Variants in PCDHGA6 observed in about 807,000 individuals in gnomAD.
PCDHGA6 encodes the protein protocadherin gamma subfamily A, 6.
Under a neutral mutation model 60.6 loss-of-function variants are expected in PCDHGA6, and 41 were observed. The ratio of observed to expected loss-of-function variants is 0.68; its 90% CI spans 0.53 to 0.88. The LOEUF is 0.88. Among genes scored for constraint, PCDHGA6 ranks in the 40% least tolerant of loss-of-function variants. The pLI is 0.00. For missense variants in PCDHGA6, 1,312 were observed against 1,203.0 expected, an observed-to-expected ratio of 1.09 and a Z score of -1.34; for synonymous variants, 594 against 524.4, an observed-to-expected ratio of 1.13 and a Z score of -1.81.
intron 1 of PCDHGA6, chr5:141,427,369 C>T (rs1333238163): frequency 4.4e-6 from 2 of 457,834 alleles, no homozygotes; most frequent in Non-Finnish European, 8.8e-6. Flanking sequence ...GAACCCTGGA[C>T]GGTGATCACT....
At position 141,508,878 on chromosome 5, in the gene PCDHGA6, C is replaced by A. The variant is rs189735747; in HGVS notation, c.2573-2069C>A. The stretch of plus-strand genomic sequence containing the variant: ...GGCTGGGAAAGGCTGAAGAGGCTGA[C>A]GGCTGGAGGGGAGGGGGCGGGGCGG... On this transcript the variant is annotated intron_variant, in intron 3 of 3. Transcript: ENST00000517434. Among the ~76,000 whole-genome samples, 561 of 152,074 alleles carry A rather than the reference C, an allele frequency of 3.7e-3. 3 individuals carry two copies. The highest frequency in any genetic ancestry group is 0.012 in the African/African-American group (508 of 41,498).
At chr5:141,478,143 A>G (rs759384540) in intron 1 of PCDHGA6, 72 of 1,614,014 alleles carry the variant, frequency 4.5e-5, no homozygotes, top group Middle Eastern at 3.3e-4. Context: ...GCCCGAGCCG[A>G]GTTCCCCTCT....
Position 141,487,568 on chromosome 5 carries a change from C to G in PCDHGA6, c.2425-7239C>G, listed in dbSNP as rs752378906. The G allele has an allele frequency of 1.9e-6, 3 of 1,614,180 alleles. No homozygotes were observed. Among genetic ancestry groups the G allele is most frequent in the Non-Finnish European group, 2.5e-6 (3 of 1,180,042 alleles). ...ACCCAGTGCACCTATGGCAGGGGAG[C>G]CTGTTCGCCCAAGCTGCCCACCCTC... On this transcript the variant is annotated intron_variant, in intron 1 of 3. Transcript: ENST00000517434. This position sits in a 1 kb window ranked among gnomAD's most constrained non-coding sequence, Gnocchi z 5.0.
Position 141,432,538 on chromosome 5 carries a change from G to T in PCDHGA6, c.2424+56031G>T, listed in dbSNP as rs200601557. 1 of 1,613,908 alleles carries T rather than the reference G, an allele frequency of 6.2e-7. No individual in the cohort carries two copies. Among genetic ancestry groups the T allele is most frequent in the African/African-American group, 1.3e-5 (1 of 74,936 alleles). Reference sequence around the variant, plus strand: ...GCTACCTGGTGACCAAGGTGGTGGCGGTGGACAGAGACTCCGGCCAGAACG... The same window carrying T: ...GCTACCTGGTGACCAAGGTGGTGGCTGTGGACAGAGACTCCGGCCAGAACG... On this transcript the variant is annotated intron_variant, in intron 1 of 3. Coordinates refer to ENST00000517434, the MANE Select transcript of PCDHGA6 (RefSeq NM_018919.3). This position sits in a 1 kb window ranked among gnomAD's most constrained non-coding sequence, Gnocchi z 6.0.
chr5:141,476,754 T>G lies in PCDHGA6; in HGVS notation c.2425-18053T>G. 1 of 1,613,926 alleles carries G rather than the reference T, an allele frequency of 6.2e-7. No individual in the cohort carries two copies. The highest frequency in any genetic ancestry group is 1.1e-5 in the South Asian group (1 of 91,084). On this transcript the variant is annotated intron_variant, in intron 1 of 3. Coordinates refer to ENST00000517434, the MANE Select transcript of PCDHGA6 (RefSeq NM_018919.3). The surrounding 1 kb of genome is among the most constrained non-coding windows in gnomAD (Gnocchi z 7.6). Reference sequence around the variant, plus strand: ...GAACGGGAGCCTAGTCTCCAGTTAGTGCTGACGGCGTTGGACGGAGGGACC... The same window carrying G: ...GAACGGGAGCCTAGTCTCCAGTTAGGGCTGACGGCGTTGGACGGAGGGACC...
chr5:141,399,332 C>T (rs2093787388), intron 1 of PCDHGA6: 1 of 1,613,994 alleles, frequency 6.2e-7, no homozygotes, highest in Non-Finnish European at 8.5e-7. Flanking sequence ...AAGTTGGTAA[C>T]AGATGGAACC....
At position 141,380,476 on chromosome 5, in the gene PCDHGA6, TC is replaced by T. The variant is rs534346627; in HGVS notation, c.2424+3972del. Among the ~76,000 whole-genome samples the T allele has an allele frequency of 1.1e-4, 16 of 152,316 alleles. No homozygotes were observed. The South Asian group carries it at 3.1e-3, about 30-fold the overall frequency. ...CAACCAAACAAATGGTCAGGATTCT[TC>T]CCAATATCTCAGTCAACAATAATAT... is the stretch of plus-strand genomic sequence containing the variant. On this transcript the variant is annotated intron_variant, in intron 1 of 3. Transcript: ENST00000517434.
At chr5:141,383,059 C>A (rs1778767353) in intron 1 of PCDHGA6, 1 of 1,613,894 alleles carries the variant, frequency 6.2e-7, no homozygotes, top group Non-Finnish European at 8.5e-7. Flanking sequence ...GGACCTGGGG[C>A]TGGAGCCCCG....
At chr5:141,418,435 A>G (rs1237542659) in intron 1 of PCDHGA6, 1 of 1,614,038 alleles carries the variant, frequency 6.2e-7, no homozygotes, top group South Asian at 1.1e-5. Context: ...GCAAATATCC[A>G]GAATTAGTAT....
chr5:141,437,693 C>G (rs1305650032), intron 1 of PCDHGA6, among the ~76,000 whole-genome samples: 1 of 151,638 alleles, frequency 6.6e-6, no homozygotes, highest in African/African-American at 2.4e-5. Context: ...GAGGCTAAAT[C>G]TCAAGAAAGA....
At chr5:141,410,370 C>T (rs780808768) in intron 1 of PCDHGA6, 2 of 1,614,060 alleles carry the variant, frequency 1.2e-6, no homozygotes, top group South Asian at 2.2e-5. Flanking sequence ...AGCCCTGCTA[C>T]TTGGGACTGC....
Position 141,486,446 on chromosome 5 carries a change from G to T in PCDHGA6, c.2425-8361G>T. ...GGCCAAATCTAGCTATGACATCATGGTCACTGCTTCTGATGCTGGGAACCC... is the reference window on the plus strand; with the variant it reads ...GGCCAAATCTAGCTATGACATCATGTTCACTGCTTCTGATGCTGGGAACCC... On this transcript the variant is annotated intron_variant, in intron 1 of 3. Coordinates refer to ENST00000517434, the MANE Select transcript of PCDHGA6 (RefSeq NM_018919.3). The surrounding 1 kb of genome is among the most constrained non-coding windows in gnomAD (Gnocchi z 5.0). 2 of 1,614,126 alleles carry T rather than the reference G, an allele frequency of 1.2e-6. No individual in the cohort carries two copies. Among genetic ancestry groups the T allele is most frequent in the Non-Finnish European group, 1.7e-6 (2 of 1,180,004 alleles).
chr5:141,460,981 G>GTA (rs1491204135), intron 1 of PCDHGA6, among the ~76,000 whole-genome samples: 1,658 of 121,856 alleles, frequency 0.014, 27 homozygotes, highest in African/African-American at 0.051. Flanking sequence ...GTGTGTGTGT[G>GTA]TGTATATATA....
At chr5:141,433,195 T>C (rs765385329) in intron 1 of PCDHGA6, 8 of 1,582,476 alleles carry the variant, frequency 5.1e-6, no homozygotes, top group Non-Finnish European at 6.9e-6. Flanking sequence ...TGAGTTTATA[T>C]CAAATCTTCT....
rs374191427 is a variant in PCDHGA6 at position 141,419,804 on chromosome 5, G to A, written c.2424+43297G>A. ...GCGCCTGCTAGTCGCTGTAAGAGAT[G>A]GAGGACAGCCACCCCTTTCAGCCAC... On this transcript the variant is annotated intron_variant, in intron 1 of 3. Coordinates refer to ENST00000517434, the MANE Select transcript of PCDHGA6 (RefSeq NM_018919.3). The A allele has an allele frequency of 2.8e-5, 45 of 1,613,946 alleles. No homozygotes were observed. The highest frequency in any genetic ancestry group is 1.6e-4 in the Middle Eastern group (1 of 6,082).
chr5:141,457,676 A>G (rs1380484149), intron 1 of PCDHGA6, among the ~76,000 whole-genome samples: 2 of 152,240 alleles, frequency 1.3e-5, no homozygotes, highest in East Asian at 3.8e-4. Flanking sequence ...TTATTTCTAC[A>G]TAGGACTTTT....
At chr5:141,429,468 A>G (rs2097217267) in intron 1 of PCDHGA6, among the ~76,000 whole-genome samples, 1 of 152,048 alleles carries the variant, frequency 6.6e-6, no homozygotes, top group Admixed American at 6.6e-5. Flanking sequence ...TCCCACCTCA[A>G]TCTCCAGAGT....
chr5:141,422,260 G>A, intron 1 of PCDHGA6: 1 of 1,564,392 alleles, frequency 6.4e-7, no homozygotes, highest in South Asian at 1.2e-5. Context: ...GAATGATAAC[G>A]CTCCAGAAAT....
intron 1 of PCDHGA6, among the ~76,000 whole-genome samples, chr5:141,401,116 G>A (rs763920346): frequency 1.3e-5 from 2 of 152,036 alleles, no homozygotes; most frequent in African/African-American, 2.4e-5. Flanking sequence ...GGCCGAGGCG[G>A]TTGGATCACA....
Sources: gnomAD v4.1 joint callset for allele counts (sites outside exome capture counted in the v4.1 genomes callset) on GRCh38, gnomAD v4.1.1 for gene constraint, Gnocchi (gnomAD v3.1) non-coding constraint, MANE v1.5 for transcripts, NCBI Gene and HGNC (gene_info 2026-07-23, HGNC 2026-07-21) for gene names.